SMPX: variants seen among roughly 807,000 people sequenced by gnomAD.
SMPX encodes small muscular protein.
In SMPX, 2 loss-of-function variants were observed where a neutral mutation model predicts 6.3. That is an observed-to-expected ratio of 0.32 (90% confidence interval 0.13 to 0.99). SMPX has a LOEUF of 0.99. Among genes scored for constraint, SMPX ranks in the 50% least tolerant of loss-of-function variants. The probability of loss-of-function intolerance (pLI) is 0.49; values close to 1 mark genes in which losing one functional copy is unlikely to be tolerated. For synonymous variants in SMPX, 32 were observed against 24.7 expected (o/e 1.30, Z -0.88); for missense variants, 60 against 66.8 (o/e 0.90, Z 0.36).
rs1240711846 is a variant in SMPX, at chrX:21,758,030, C to T, written c.-101G>A. ...GCTCCTTGGAAGGTGGAAGGGGCGC[C>T]CGGTGTCCTCTGAGCTGCGATCTCA... On this transcript the variant is annotated 5_prime_UTR_variant, in exon 1 of 5. Coordinates refer to ENST00000379494, the MANE Select transcript of SMPX (RefSeq NM_014332.3). 9.2e-6 allele frequency: 3 copies of T among 327,441 alleles called. No individual in the cohort carries two copies. Among genetic ancestry groups the T allele is most frequent in the Non-Finnish European group, 1.8e-5 (3 of 169,702 alleles). The allele number at this position is 327,441 out of a possible 1,213,427, so 27.0% of individuals were successfully genotyped here.
chrX:21,744,066 T>A (rs770545011), intron 2 of SMPX, among the ~76,000 whole-genome samples: 1 of 112,058 alleles, frequency 8.9e-6, no homozygotes, highest in East Asian at 2.8e-4. Context: ...CATCCTTAGG[T>A]CTGTGCAGTG....
chrX:21,729,306 C>A (rs772273599), intron 4 of SMPX, among the ~76,000 whole-genome samples: 1 of 112,767 alleles, frequency 8.9e-6, no homozygotes, highest in Non-Finnish European at 1.9e-5. Context: ...CTAACATCAA[C>A]CTTTCAAGCA....
chrX:21,724,847 G>T (rs955186575), intron 4 of SMPX, among the ~76,000 whole-genome samples: 15 of 112,368 alleles, frequency 1.3e-4, no homozygotes, highest in Non-Finnish European at 2.4e-4. Context: ...CTATCTCACA[G>T]AACTGTTATG....
At chrX:21,750,139 A>C (rs1050680781) in intron 2 of SMPX, among the ~76,000 whole-genome samples, 9 of 111,862 alleles carry the variant, frequency 8.0e-5, no homozygotes, top group African/African-American at 1.6e-4. Flanking sequence ...ACTTGGTCTC[A>C]TTAGAGAGAG....
At chrX:21,756,118 T>A (rs191248717) in intron 1 of SMPX, among the ~76,000 whole-genome samples, 1 of 112,410 alleles carries the variant, frequency 8.9e-6, no homozygotes, top group African/African-American at 3.2e-5. Context: ...CACAGAACTT[T>A]AAATATCTCA....
chrX:21,727,817 G>A, intron 4 of SMPX, among the ~76,000 whole-genome samples: 1 of 112,252 alleles, frequency 8.9e-6, no homozygotes, highest in Non-Finnish European at 1.9e-5. Context: ...AGTTAAATTT[G>A]CAAGTCTTGA....
chrX:21,716,379 T>C (rs2092785159), intron 4 of SMPX, among the ~76,000 whole-genome samples: 1 of 112,255 alleles, frequency 8.9e-6, no homozygotes, highest in South Asian at 3.7e-4. Context: ...GAGTGTCCAC[T>C]GTGGAGACAT....
At chrX:21,746,835 G>A (rs1179645062) in intron 2 of SMPX, among the ~76,000 whole-genome samples, 2 of 110,873 alleles carry the variant, frequency 1.8e-5, no homozygotes, top group Non-Finnish European at 3.8e-5. Flanking sequence ...TTGTAGGACA[G>A]TAATCTTTGA....
chrX:21,718,464 C>G (rs1050212509), intron 4 of SMPX, among the ~76,000 whole-genome samples: 2 of 111,794 alleles, frequency 1.8e-5, no homozygotes, highest in Admixed American at 1.9e-4. Flanking sequence ...AGGAAAATTC[C>G]CACAGGTTAC....
intron 4 of SMPX, among the ~76,000 whole-genome samples, chrX:21,718,899 A>G (rs1447662159): frequency 1.8e-5 from 2 of 112,227 alleles, no homozygotes; most frequent in African/African-American, 6.5e-5. Flanking sequence ...TAGCGAATAT[A>G]CAAGAGGTTG....
chrX:21,757,462 T>C (rs1181728130), intron 1 of SMPX, among the ~76,000 whole-genome samples: 1 of 111,918 alleles, frequency 8.9e-6, no homozygotes, highest in African/African-American at 3.2e-5. Context: ...ACGTTATCAT[T>C]GAGACCAAGC....
chrX:21,727,757 G>T (rs2092798634), intron 4 of SMPX: 1 of 112,167 alleles, frequency 8.9e-6, no homozygotes, highest in African/African-American at 3.2e-5. Context: ...CTAGACTAGA[G>T]GGTGTGGAAT....
Position 21,737,570 on chromosome X carries a change from T to C in SMPX, c.260A>G (p.Glu87Gly), listed in dbSNP as rs763716855. Residue 87 changes from glutamate to glycine, a missense_variant, in exon 4 of 5, where the codon GAA becomes GGA. Glu to Gly is a moderately conservative substitution (Grantham distance 98). Coordinates refer to ENST00000379494, the MANE Select transcript of SMPX (RefSeq NM_014332.3). ...KSELKYVPKA[E>G]Q is the part of the protein sequence containing the mutation. ...TCACCTTTTTTCTTCCTACTACTGT[T>C]CAGCTTTGGGGACATATTTTAGTTC... The C allele has an allele frequency of 8.3e-7, 1 of 1,207,343 alleles. No individual in the cohort carries two copies. Among genetic ancestry groups the C allele is most frequent in the African/African-American group, 1.7e-5 (1 of 57,729 alleles).
Position 21,731,570 on chromosome X carries a change from A to ATGTGTATATATACACACAT in SMPX, c.*14+5978_*14+5979insATGTGTGTATATATACACA, listed in dbSNP as rs1569306615. The stretch of plus-strand genomic sequence containing the variant: ...ATGTGTATATATACACATTATGTGT[A>ATGTGTATATATACACACAT]TATGTGTATATGTGTATATGTACAC... On this transcript the variant is annotated intron_variant, in intron 4 of 4. Transcript: ENST00000379494. 1.3e-3 allele frequency among the ~76,000 whole-genome samples: 53 copies of ATGTGTATATATACACACAT among 40,127 alleles called. 1 individual carries two copies. Among genetic ancestry groups the ATGTGTATATATACACACAT allele is most frequent in the Non-Finnish European group, 2.7e-3 (47 of 17,689 alleles). 34.8% of individuals were successfully genotyped at this position (40,127 alleles called of 115,157 possible). A position where few individuals can be genotyped will look rare whatever the true frequency, so the allele number is the denominator to read the frequency against.
chrX:21,738,430 A>G (rs1031626307), intron 3 of SMPX, among the ~76,000 whole-genome samples: 1 of 110,827 alleles, frequency 9.0e-6, no homozygotes, highest in Non-Finnish European at 1.9e-5. Context: ...AAACAACATC[A>G]GTTGCTGTGT....
chrX:21,709,640 T>C (rs2092776424), intron 4 of SMPX, among the ~76,000 whole-genome samples: 1 of 111,997 alleles, frequency 8.9e-6, no homozygotes. Context: ...GGCTCATAGA[T>C]GCAGAAATCC....
intron 4 of SMPX, among the ~76,000 whole-genome samples, chrX:21,718,456 G>GA (rs1253782509): frequency 8.9e-6 from 1 of 111,956 alleles, no homozygotes; most frequent in African/African-American, 3.2e-5. Context: ...GAGGGCTGAG[G>GA]AAAATTCCCA....
At chrX:21,730,615 G>A (rs913434395) in intron 4 of SMPX, among the ~76,000 whole-genome samples, 1 of 111,778 alleles carries the variant, frequency 8.9e-6, no homozygotes, top group Non-Finnish European at 1.9e-5. Flanking sequence ...AGTTGCAAAC[G>A]TAGAAGGAAA....
chrX:21,721,280 G>A (rs2092791462), intron 4 of SMPX, among the ~76,000 whole-genome samples: 1 of 111,196 alleles, frequency 9.0e-6, no homozygotes, highest in Admixed American at 9.5e-5. Flanking sequence ...GCCCCTTCTG[G>A]GCCTAATATG....
Sources: gnomAD v4.1 joint callset for allele counts (sites outside exome capture counted in the v4.1 genomes callset) on GRCh38, gnomAD v4.1.1 for gene constraint, MANE v1.5 for transcripts, NCBI Gene and HGNC (gene_info 2026-07-23, HGNC 2026-07-21) for gene names.